SORCS2: variants seen among roughly 807,000 people sequenced by gnomAD.
The protein encoded by SORCS2 is sortilin related VPS10 domain containing receptor 2, also known as VPS10 domain-containing receptor SorCS2.
A neutral mutation model predicts 141.6 loss-of-function variants in SORCS2; 100 were observed. The observed-to-expected ratio is 0.71, with a 90% CI of 0.60 to 0.83. SORCS2 has a LOEUF of 0.83. Ranked by LOEUF, SORCS2 falls within the 40% of genes least tolerant of loss-of-function variation. SORCS2 has a pLI of 0.00. For missense variants in SORCS2, 1,646 were observed against 1,560.2 expected (o/e 1.05, Z -0.93); for synonymous variants, 789 against 676.9 (o/e 1.17, Z -2.57).
At chr4:7,689,881 T>G (rs1319793513) in intron 11 of SORCS2, among the ~76,000 whole-genome samples, 1 of 151,906 alleles carries the variant, frequency 6.6e-6, no homozygotes, top group Non-Finnish European at 1.5e-5. Context: ...GATGGATAGG[T>G]GGATGGTGGA....
At chr4:7,415,610 G>A (rs1028504172) in intron 2 of SORCS2, among the ~76,000 whole-genome samples, 17 of 152,322 alleles carry the variant, frequency 1.1e-4, no homozygotes, top group South Asian at 4.1e-4. Context: ...ATATGCTTGC[G>A]CTGTGAGCAT....
chr4:7,224,934 G>A (rs1428627861), intron 1 of SORCS2, among the ~76,000 whole-genome samples: 1 of 152,212 alleles, frequency 6.6e-6, no homozygotes. Flanking sequence ...TCTTTGCTTT[G>A]GTGTAAACAG....
chr4:7,588,095 G>A (rs765483249), intron 3 of SORCS2, among the ~76,000 whole-genome samples: 10 of 152,176 alleles, frequency 6.6e-5, no homozygotes, highest in East Asian at 1.9e-4. Context: ...GGAGATCAGC[G>A]GTCATTAAAG....
At chr4:7,424,202 G>A (rs993851906) in intron 2 of SORCS2, among the ~76,000 whole-genome samples, 1 of 152,202 alleles carries the variant, frequency 6.6e-6, no homozygotes, top group Non-Finnish European at 1.5e-5. Flanking sequence ...GGACTCTGCT[G>A]TCATTAGCTG....
rs757795558 is a variant in SORCS2, at chr4:7,396,343, G to C, written c.536G>C (p.Ser179Thr). ...GCAGACATGGGGAAGGTTCTGGAAA[G>C]TTCTCTGTGGCGGTAAGTCAGCCCG... Reference protein sequence around the residue: ...YHADMGKVLESSLWRSSDFGT... With the variant: ...YHADMGKVLETSLWRSSDFGT... The change falls in exon 2 of 27, where the codon AGT becomes ACT. Residue 179 changes from serine (S) to threonine (T), a missense_variant. Coordinates refer to ENST00000507866, the MANE Select transcript of SORCS2 (RefSeq NM_020777.3). 9 of 1,613,998 alleles carry C rather than the reference G, an allele frequency of 5.6e-6. No individual in the cohort carries two copies. Among genetic ancestry groups the C allele is most frequent in the Non-Finnish European group, 5.9e-6 (7 of 1,179,884 alleles).
Position 7,437,985 on chromosome 4 carries a change from T to C in SORCS2, c.548+41630T>C, listed in dbSNP as rs1727419534. Among the ~76,000 whole-genome samples, 4 of 152,224 alleles carry C rather than the reference T, an allele frequency of 2.6e-5. No individual in the cohort carries two copies. The South Asian group carries it at 6.2e-4, about 24-fold the overall frequency. ...CATTGTATCTCTTTACCCCAGTTAC[T>C]TTGGTGCCTATTTCCTAAGGACCAG... On this transcript the variant is annotated intron_variant, in intron 2 of 26. Coordinates refer to ENST00000507866, the MANE Select transcript of SORCS2 (RefSeq NM_020777.3).
chr4:7,281,172 G>T (rs1419012249), intron 1 of SORCS2, among the ~76,000 whole-genome samples: 5 of 152,088 alleles, frequency 3.3e-5, no homozygotes, highest in Non-Finnish European at 7.3e-5. Context: ...CTGCACAAAA[G>T]TTTTTTCTTG....
chr4:7,454,187 G>A (rs1166601945), intron 2 of SORCS2, among the ~76,000 whole-genome samples: 1 of 130,340 alleles, frequency 7.7e-6, no homozygotes, highest in Non-Finnish European at 1.6e-5. Context: ...GCGCTGTGTT[G>A]GGGTCAGGTG....
intron 8 of SORCS2, among the ~76,000 whole-genome samples, chr4:7,675,432 T>A (rs1388638184): frequency 2.0e-5 from 3 of 152,196 alleles, no homozygotes. Flanking sequence ...CTGGCACATG[T>A]ACAGGTGGGG....
intron 2 of SORCS2, among the ~76,000 whole-genome samples, chr4:7,478,715 A>T (rs1183456533): frequency 6.6e-6 from 1 of 152,102 alleles, no homozygotes; most frequent in Non-Finnish European, 1.5e-5. Context: ...TTGACCAATG[A>T]ATGAGAGTGT....
chr4:7,683,008 A>T, intron 10 of SORCS2, 119 bp downstream of exon 10: 1 of 1,271,806 alleles, frequency 7.9e-7, no homozygotes, highest in South Asian at 1.6e-5. Flanking sequence ...CACATGAACC[A>T]CCTATTTCTG....
In SORCS2 at chr4:7,723,793, C is replaced by T. The variant is rs763493893; in HGVS notation, c.2521C>T (p.Arg841Cys). Residue 841 changes from arginine to cysteine, a missense_variant, in exon 19 of 27, where the codon CGC (arginine) becomes TGC (cysteine). Arg to Cys is a radical substitution (Grantham distance 180, BLOSUM62 -3). Coordinates refer to ENST00000507866, the MANE Select transcript of SORCS2 (RefSeq NM_020777.3). ...LTLTGEPIRHRYESPGIYRVS... is the reference protein window; with the variant it reads ...LTLTGEPIRHCYESPGIYRVS... ...ACTGACCGGGGAGCCCATCCGGCAC[C>T]GCTACGAGAGCCCCGGCATCTACCG... 31 of 1,613,854 alleles carry T rather than the reference C, an allele frequency of 1.9e-5. No homozygotes were observed. The highest frequency in any genetic ancestry group is 4.5e-5 in the East Asian group (2 of 44,886).
At chr4:7,501,696 G>C (rs1451104955) in intron 2 of SORCS2, among the ~76,000 whole-genome samples, 2 of 152,182 alleles carry the variant, frequency 1.3e-5, no homozygotes, top group Non-Finnish European at 2.9e-5. Context: ...CTGTGTGTCT[G>C]GAGACTGAAG....
chr4:7,613,925 G>A (rs542705323), intron 3 of SORCS2, among the ~76,000 whole-genome samples: 6 of 150,998 alleles, frequency 4.0e-5, no homozygotes, highest in East Asian at 2.0e-4. Context: ...TCAAACATCC[G>A]TTCACTCATC....
intron 1 of SORCS2, among the ~76,000 whole-genome samples, chr4:7,360,357 T>C (rs561282600): frequency 7.4e-4 from 112 of 152,176 alleles, no homozygotes; most frequent in African/African-American, 2.6e-3. Context: ...CAACCCTGCC[T>C]GACACGAAAC....
intron 2 of SORCS2, among the ~76,000 whole-genome samples, chr4:7,449,662 A>G (rs1728316349): frequency 6.6e-6 from 1 of 151,810 alleles, no homozygotes. Context: ...GCTCTGTGCA[A>G]GGTCCTCCGG....
intron 1 of SORCS2, among the ~76,000 whole-genome samples, chr4:7,368,936 CTT>C (rs1722078741): frequency 6.6e-6 from 1 of 152,124 alleles, no homozygotes; most frequent in Non-Finnish European, 1.5e-5. Flanking sequence ...TGCACGTGCT[CTT>C]CTCTGTGTGC....
chr4:7,317,651 C>T (rs566983842), intron 1 of SORCS2, among the ~76,000 whole-genome samples: 1 of 142,530 alleles, frequency 7.0e-6, no homozygotes. Flanking sequence ...TGTTTCTTCA[C>T]CTCTGTTTTC....
rs574470562 is a variant in SORCS2, at chr4:7,394,280, A to G, written c.481-2008A>G. Among the ~76,000 whole-genome samples, 9 of 152,134 alleles carry G rather than the reference A, an allele frequency of 5.9e-5. No individual in the cohort carries two copies. The South Asian group carries it at 1.7e-3, about 28-fold the overall frequency. ...TCAGTGAGTGGTGTGAGTGCTTGTT[A>G]TATGGCAGGTGCTGTGCCCCGCACT... On this transcript the variant is annotated intron_variant, in intron 1 of 26. Transcript: ENST00000507866.
Sources: gnomAD v4.1 joint callset for allele counts (sites outside exome capture counted in the v4.1 genomes callset) on GRCh38, gnomAD v4.1.1 for gene constraint, MANE v1.5 for transcripts, NCBI Gene and HGNC (gene_info 2026-07-23, HGNC 2026-07-21) for gene names.